SFT2D2: variants seen among roughly 807,000 people sequenced by gnomAD.
SFT2D2 encodes the protein SFT2 domain containing 2, also known as vesicle transport protein SFT2B.
SFT2D2 carries 21 observed loss-of-function variants against 27.4 expected under a neutral mutation model. The observed-to-expected ratio is 0.77, with a 90% CI of 0.54 to 1.10. The LOEUF (loss-of-function observed/expected upper bound fraction) is 1.10, where lower values mean the gene tolerates loss of function less well. Among genes scored for constraint, SFT2D2 ranks in the 50% least tolerant of loss-of-function variants. The pLI is 0.00. For synonymous variants in SFT2D2, 72 were observed against 71.7 expected (o/e 1.00, Z -0.02); for missense variants, 187 against 194.2 (o/e 0.96, Z 0.22).
In SFT2D2 at chr1:168,228,465, T is replaced by C. The variant is rs367715975; in HGVS notation, c.63+2323T>C. Among the ~76,000 whole-genome samples, 9 of 152,310 alleles carry C rather than the reference T, an allele frequency of 5.9e-5. No individual in the cohort carries two copies. The East Asian group carries it at 1.5e-3, about 26-fold the overall frequency. On this transcript the variant is annotated intron_variant, in intron 1 of 7. Transcript: ENST00000271375. ...TACCTCTCCTAGGTAGTTATAAAAT[T>C]TGCATGGCAGTATCTAATTATAGCC... is the stretch of plus-strand genomic sequence containing the variant.
intron 2 of SFT2D2, 85 bp from the exon 3 acceptor site, chr1:168,231,749 C>T: frequency 8.8e-6 from 13 of 1,475,358 alleles, no homozygotes; most frequent in Middle Eastern, 1.7e-4. Flanking sequence ...GGGAAACGGA[C>T]TCCTCAGGGC....
rs984230775 is a variant in SFT2D2 at position 168,226,044 on chromosome 1, C to T, written c.-36C>T. On this transcript the variant is annotated 5_prime_UTR_variant, in exon 1 of 8. Transcript: ENST00000271375. ...CAACTTAGCGAGCGCAACAGGCTGC[C>T]GCTGAGGAGCTGGAGCTGGTGGGGA... 4.0e-6 allele frequency: 6 copies of T among 1,493,262 alleles called. No individual in the cohort carries two copies. Among genetic ancestry groups the T allele is most frequent in the South Asian group, 1.3e-5 (1 of 77,716 alleles). The allele number at this position is 1,493,262 out of a possible 1,614,324, so 92.5% of individuals were successfully genotyped here.
In SFT2D2 at chr1:168,236,592, T is replaced by A. The variant is rs1647509828; in HGVS notation, c.322T>A (p.Cys108Ser). 6.2e-7 allele frequency: 1 copy of A among 1,612,556 alleles called. No individual in the cohort carries two copies. Among genetic ancestry groups the A allele is most frequent in the Admixed American group, 1.7e-5 (1 of 59,978 alleles). The change falls in exon 5 of 8, where the codon TGT (cysteine) becomes AGT (serine). Residue 108 changes from cysteine to serine, a missense_variant. Cys to Ser is a moderately radical substitution (Grantham distance 112). Coordinates refer to ENST00000271375, the MANE Select transcript of SFT2D2 (RefSeq NM_199344.3). ...AATGTTTCCTTTCTTCCTTTAGTTG[T>A]GTTTTGCACTTACCCTGTGTTCTGC... ...RLIATIMVLL[C>S]FALTLCSAFW...
At chr1:168,226,235 G>C in intron 1 of SFT2D2, 93 bp downstream of exon 1, 1 of 1,145,888 alleles carries the variant, frequency 8.7e-7, no homozygotes, top group Non-Finnish European at 1.2e-6. Flanking sequence ...ACTCCCTGGA[G>C]TTTCTGGACG....
At chr1:168,231,174 C>T (rs967357886) in intron 1 of SFT2D2, among the ~76,000 whole-genome samples, 1 of 152,168 alleles carries the variant, frequency 6.6e-6, no homozygotes, top group African/African-American at 2.4e-5. Flanking sequence ...GTGTGGTCTT[C>T]ATCCTGCCTG....
chr1:168,242,789 G>T lies in SFT2D2; in HGVS notation c.*249G>T, dbSNP rs1271494327. 3.9e-6 allele frequency: 2 copies of T among 512,092 alleles called. No individual in the cohort carries two copies. Among genetic ancestry groups the T allele is most frequent in the African/African-American group, 1.9e-5 (1 of 51,750 alleles). The allele number at this position is 512,092 out of a possible 1,614,324, so 31.7% of individuals were successfully genotyped here. The stretch of plus-strand genomic sequence containing the variant: ...GGAGTGGAATCTTCCTCATGTACCT[G>T]TTTCCTCTCTGGATGTTGTCCCACT... On this transcript the variant is annotated 3_prime_UTR_variant, in exon 8 of 8. Coordinates refer to ENST00000271375, the MANE Select transcript of SFT2D2 (RefSeq NM_199344.3).
At chr1:168,231,774 C>G in intron 2 of SFT2D2, 60 bp from the exon 3 acceptor site, 2 of 1,560,914 alleles carry the variant, frequency 1.3e-6, no homozygotes, top group Non-Finnish European at 1.8e-6. Context: ...TCTGGGAGCT[C>G]TGCTTGTGTG....
chr1:168,242,400 C>A, intron 7 of SFT2D2, 101 bp from the exon 8 acceptor site: 1 of 1,239,652 alleles, frequency 8.1e-7, no homozygotes, highest in South Asian at 1.2e-5. Context: ...ATCTTTCAGT[C>A]TAGGTGCTTT....
Position 168,242,759 on chromosome 1 carries a change from C to T in SFT2D2, c.*219C>T, listed in dbSNP as rs756112622. 1.2e-5 allele frequency: 7 copies of T among 570,660 alleles called. No individual in the cohort carries two copies. Among genetic ancestry groups the T allele is most frequent in the African/African-American group, 1.9e-5 (1 of 53,166 alleles). 35.3% of individuals were successfully genotyped at this position (570,660 alleles called of 1,614,324 possible). Reference sequence around the variant, plus strand: ...ACAGGATGAGAAGTGGGTTCTGTATCTTGTGGAGTGGAATCTTCCTCATGT... The same window carrying T: ...ACAGGATGAGAAGTGGGTTCTGTATTTTGTGGAGTGGAATCTTCCTCATGT... On this transcript the variant is annotated 3_prime_UTR_variant, in exon 8 of 8. Coordinates refer to ENST00000271375, the MANE Select transcript of SFT2D2 (RefSeq NM_199344.3).
Position 168,230,553 on chromosome 1 carries a change from A to C in SFT2D2, c.64-961A>C, listed in dbSNP as rs141868396. Among the ~76,000 whole-genome samples the C allele has an allele frequency of 6.3e-3, 952 of 152,124 alleles. 7 individuals carry two copies. The highest frequency in any genetic ancestry group is 0.021 in the African/African-American group (852 of 41,496). On this transcript the variant is annotated intron_variant, in intron 1 of 7. Coordinates refer to ENST00000271375, the MANE Select transcript of SFT2D2 (RefSeq NM_199344.3). ...ACAATGTATGATCTCGGCTCACTGC[A>C]ACCTCCACCTCCCAGGTTCAAGCAA...
In SFT2D2 at chr1:168,246,970, A is replaced by G. The variant is rs774931441; in HGVS notation, c.*4430A>G. The stretch of plus-strand genomic sequence containing the variant: ...AGCCTGGCAATTTCATCTTGCATCA[A>G]ATGGTTTTTATGCAACAGGTCTTCT... On this transcript the variant is annotated 3_prime_UTR_variant, in exon 8 of 8. Transcript: ENST00000271375. The G allele has an allele frequency of 8.0e-6, 5 of 628,750 alleles. No homozygotes were observed. Among genetic ancestry groups the G allele is most frequent in the East Asian group, 1.1e-4 (2 of 19,026 alleles). 38.9% of individuals were successfully genotyped at this position (628,750 alleles called of 1,614,324 possible).
At chr1:168,234,497 C>T (rs181705481) in intron 3 of SFT2D2, among the ~76,000 whole-genome samples, 32 of 151,894 alleles carry the variant, frequency 2.1e-4, no homozygotes, top group Admixed American at 1.3e-3. Flanking sequence ...GTGATTTTCT[C>T]GTCTCTAAAA....
intron 6 of SFT2D2, 42 bp from the exon 7 acceptor site, chr1:168,239,089 C>A: frequency 6.8e-7 from 1 of 1,478,338 alleles, no homozygotes; most frequent in Admixed American, 1.7e-5. Flanking sequence ...ATCTGCTACT[C>A]CCTTCATCTC....
intron 3 of SFT2D2, among the ~76,000 whole-genome samples, chr1:168,232,737 C>T (rs533338343): frequency 9.9e-5 from 15 of 152,148 alleles, no homozygotes; most frequent in Admixed American, 5.9e-4. Context: ...GTGCTGGGCT[C>T]AGAGGATACA....
intron 6 of SFT2D2, among the ~76,000 whole-genome samples, chr1:168,238,733 G>T (rs987536754): frequency 3.9e-5 from 6 of 152,008 alleles, no homozygotes; most frequent in Admixed American, 2.6e-4. Context: ...AAGGAGGGGG[G>T]TGCGGTTCAA....
rs1186313011 is a variant in SFT2D2 at position 168,244,392 on chromosome 1, T to C, written c.*1852T>C. On this transcript the variant is annotated 3_prime_UTR_variant, in exon 8 of 8. Transcript: ENST00000271375. ...CAGGGTTTCACCATGTTGGCCAAGC[T>C]GGTCTGGAACTCCTGACCTCAGGTA... The C allele has an allele frequency of 6.6e-6, 1 of 152,302 alleles. No individual in the cohort carries two copies. The highest frequency in any genetic ancestry group is 6.5e-5 in the Admixed American group (1 of 15,274). The allele number at this position is 152,302 out of a possible 1,614,324, so 9.4% of individuals were successfully genotyped here.
Position 168,244,694 on chromosome 1 carries a change from A to C in SFT2D2, c.*2154A>C, listed in dbSNP as rs1647761537. ...GGTGCCTCTTGGAGACAGATCTCAG[A>C]AGGGCTGTGGTGTCAGAAGGGACAT... On this transcript the variant is annotated 3_prime_UTR_variant, in exon 8 of 8. Transcript: ENST00000271375. 6.6e-6 allele frequency: 1 copy of C among 152,142 alleles called. No homozygotes were observed. Among genetic ancestry groups the C allele is most frequent in the Admixed American group, 6.6e-5 (1 of 15,260 alleles). 9.4% of individuals were successfully genotyped at this position (152,142 alleles called of 1,614,324 possible). A position where few individuals can be genotyped will look rare whatever the true frequency, so the allele number is the denominator to read the frequency against.
At chr1:168,236,486 A>G in intron 4 of SFT2D2, 103 bp from the exon 5 acceptor site, 2 of 1,129,944 alleles carry the variant, frequency 1.8e-6, no homozygotes, top group Non-Finnish European at 2.6e-6. Context: ...CTTTGAGATG[A>G]AGGATGCATA....
At chr1:168,236,062 G>T (rs576572603) in intron 4 of SFT2D2, among the ~76,000 whole-genome samples, 128 of 152,292 alleles carry the variant, frequency 8.4e-4, no homozygotes, top group African/African-American at 3.0e-3. Context: ...AGTTGTCCTT[G>T]GCCAGCCTCA....
Sources: allele counts gnomAD v4.1 joint callset (sites outside exome capture counted in the v4.1 genomes callset), GRCh38; gene constraint gnomAD v4.1.1; transcripts MANE v1.5; gene names NCBI Gene and HGNC (gene_info 2026-07-23, HGNC 2026-07-21).